USP45: variants seen among roughly 807,000 people sequenced by gnomAD.
USP45 encodes ubiquitin carboxyl-terminal hydrolase 45.
Under a neutral mutation model 95.8 loss-of-function variants are expected in USP45, and 89 were observed. The observed-to-expected ratio is 0.93, with a 90% confidence interval of 0.78 to 1.11. The LOEUF (loss-of-function observed/expected upper bound fraction) is 1.11. Ranked by LOEUF, USP45 falls within the 50% of genes least tolerant of loss-of-function variation. The pLI, the probability that USP45 is intolerant of heterozygous loss-of-function variation, is 0.00. For synonymous variants in USP45, 281 were observed against 316.2 expected (o/e 0.89, Z 1.18); for missense variants, 898 against 942.5 (o/e 0.95, Z 0.62).
chr6:99,509,647 C>CAAAAAAAAAAAAAAA (rs199667881), intron 2 of USP45, among the ~76,000 whole-genome samples: 3 of 60,666 alleles, frequency 4.9e-5, no homozygotes, highest in South Asian at 5.4e-4. Context: ...AGAAAGAGAC[C>CAAAAAAAAAAAAAAA]AAAAAAAAAA....
At chr6:99,514,407 C>T (rs1444847815) in intron 1 of USP45, among the ~76,000 whole-genome samples, 2 of 152,174 alleles carry the variant, frequency 1.3e-5, no homozygotes, top group African/African-American at 4.8e-5. Flanking sequence ...ACCCAAAAAT[C>T]TAAGTTCCCA....
chr6:99,443,114 G>A (rs189787968), intron 15 of USP45, among the ~76,000 whole-genome samples: 2 of 152,162 alleles, frequency 1.3e-5, no homozygotes, highest in East Asian at 3.9e-4. Flanking sequence ...CTATTTGGGA[G>A]GCTGAGGCAG....
At chr6:99,452,117 T>C (rs1016248685) in intron 13 of USP45, among the ~76,000 whole-genome samples, 13 of 152,160 alleles carry the variant, frequency 8.5e-5, no homozygotes, top group African/African-American at 3.1e-4. Context: ...GACATAGGCA[T>C]GGGCAAGGAC....
Position 99,508,580 on chromosome 6 carries a change from A to G in USP45, c.273+30T>C, listed in dbSNP as rs369415083. On this transcript the variant is annotated intron_variant, in intron 3 of 17. Coordinates refer to ENST00000500704, the MANE Select transcript of USP45 (RefSeq NM_001346022.3). ...AGCATTTAAGGAAAACATTTCAGAC[A>G]AACTCACATATAAATAATACTTTTC... 2,093 of 1,590,772 alleles carry G rather than the reference A, an allele frequency of 1.3e-3. 32 individuals are homozygous for G. In the South Asian group the frequency reaches 0.023, roughly 17 times the overall value.
At chr6:99,474,244 C>T (rs12524076) in intron 9 of USP45, among the ~76,000 whole-genome samples, 1 of 152,206 alleles carries the variant, frequency 6.6e-6, no homozygotes, top group South Asian at 2.1e-4. Context: ...GTTGCCCAGG[C>T]TGGAGTGCAG....
intron 5 of USP45, among the ~76,000 whole-genome samples, chr6:99,491,511 A>G (rs1294962092): frequency 3.3e-5 from 5 of 152,212 alleles, no homozygotes; most frequent in Non-Finnish European, 5.9e-5. Context: ...AAATCCAAGC[A>G]TTACTCAATT....
chr6:99,513,692 C>G (rs1447904901), intron 1 of USP45, among the ~76,000 whole-genome samples: 2 of 152,124 alleles, frequency 1.3e-5, no homozygotes, highest in Non-Finnish European at 2.9e-5. Context: ...TCAAAATTAA[C>G]TTGGTAATGT....
In USP45 at chr6:99,445,921, T is replaced by TG. The variant is rs779705586; in HGVS notation, c.1850_1851insC (p.Glu617AspfsTer21). 3.7e-6 allele frequency: 6 copies of TG among 1,614,102 alleles called. No homozygotes were observed. The South Asian group carries it at 4.4e-5, about 12-fold the overall frequency. On this transcript the variant is annotated frameshift_variant, in exon 14 of 18. Transcript: ENST00000500704. LOFTEE classifies it high-confidence loss of function. ...GGTAGAGACAGGACTGAATTGAACA[T>TG]TCTTTAGAAGTAGTTATATAGCTCT...
rs777012114 is a variant in USP45 at position 99,437,352 on chromosome 6, C to T, written c.2208G>A (p.Val736=). ...DKVLYGLYGI[V]EHSGSMREGH... ...CTTCTCTCATCGAGCCACTATGTTC[C>T]ACTATGCCATAGAGACCGTAGAGAA... Residue 736 remains valine, a synonymous_variant, in exon 17 of 18, where the codon GTG becomes GTA. Transcript: ENST00000500704. The T allele has an allele frequency of 6.2e-7, 1 of 1,613,746 alleles. No individual in the cohort carries two copies. The highest frequency in any genetic ancestry group is 8.5e-7 in the Non-Finnish European group (1 of 1,179,894).
intron 5 of USP45, among the ~76,000 whole-genome samples, chr6:99,496,857 A>G (rs561756548): frequency 3.9e-5 from 6 of 152,066 alleles, no homozygotes; most frequent in African/African-American, 9.6e-5. Flanking sequence ...CAACACATGC[A>G]TAGCCTCCAT....
At chr6:99,474,853 C>T (rs1008704142) in intron 9 of USP45, among the ~76,000 whole-genome samples, 5 of 152,176 alleles carry the variant, frequency 3.3e-5, no homozygotes, top group African/African-American at 1.2e-4. Context: ...CCTATGTGCA[C>T]AGGAAACCCC....
At chr6:99,514,946 G>A (rs1800817523) in intron 1 of USP45, 1 of 152,214 alleles carries the variant, frequency 6.6e-6, no homozygotes. Flanking sequence ...AAGCCAGTAA[G>A]CGGTGGATGG....
rs12203426 is a variant in USP45, at chr6:99,446,002, T to C, written c.1770A>G (p.Leu590=). The stretch of plus-strand genomic sequence containing the variant: ...TATAAGACCTCAAATGCTTCCCCTC[T>C]AAAAAACATAAATTATTTGAAATAT... The part of the protein sequence containing the change: ...PLNISNNLCF[L]EGKHLRSYSP... Residue 590 remains leucine, a synonymous_variant, in exon 14 of 18, where the codon TTA becomes TTG. Coordinates refer to ENST00000500704, the MANE Select transcript of USP45 (RefSeq NM_001346022.3). 301,366 of 1,613,768 alleles carry C rather than the reference T, an allele frequency of 0.19. 32,639 individuals are homozygous for C. The highest frequency in any genetic ancestry group is 0.22 in the Non-Finnish European group (254,148 of 1,179,898).
chr6:99,449,903 A>G (rs1783466508), intron 13 of USP45, among the ~76,000 whole-genome samples: 1 of 152,230 alleles, frequency 6.6e-6, no homozygotes, highest in African/African-American at 2.4e-5. Context: ...ACTACATGGA[A>G]ACTGAAAAAC....
chr6:99,476,185 A>G lies in USP45; in HGVS notation c.891T>C (p.Leu297=). 2 of 1,614,108 alleles carry G rather than the reference A, an allele frequency of 1.2e-6. No individual in the cohort carries two copies. Among genetic ancestry groups the G allele is most frequent in the Non-Finnish European group, 8.5e-7 (1 of 1,179,980 alleles). Residue 297 remains leucine (L), a synonymous_variant, in exon 9 of 18, where the codon CTT becomes CTC. Transcript: ENST00000500704. Reference sequence around the variant, plus strand: ...TCACTGCATCCAGAAGATAATGAAGAAGCTCCTGACTGTCCTGTTGCTGGA... The same window carrying G: ...TCACTGCATCCAGAAGATAATGAAGGAGCTCCTGACTGTCCTGTTGCTGGA... The part of the protein sequence containing the change: ...KDFQQQDSQE[L]LHYLLDAVRT...
At chr6:99,473,619 G>A (rs1790009540) in intron 9 of USP45, among the ~76,000 whole-genome samples, 1 of 151,892 alleles carries the variant, frequency 6.6e-6, no homozygotes, top group Non-Finnish European at 1.5e-5. Flanking sequence ...AGCTGGGAAT[G>A]GTGGCACACC....
chr6:99,469,487 T>TATA (rs1491589320), intron 9 of USP45, among the ~76,000 whole-genome samples: 29 of 3,880 alleles, frequency 7.5e-3, no homozygotes, highest in Middle Eastern at 0.045. Context: ...TATATATATA[T>TATA]TTTTTTTTTT....
rs73760074 is a variant in USP45 at position 99,486,966 on chromosome 6, G to A, written c.714+1234C>T. Reference sequence around the variant, plus strand: ...TGAACTAGGTGGGTTTATTACTTGTGGCAGTGAGGGAGATCACGCAGCATG... The same window carrying A: ...TGAACTAGGTGGGTTTATTACTTGTAGCAGTGAGGGAGATCACGCAGCATG... On this transcript the variant is annotated intron_variant, in intron 7 of 17. Coordinates refer to ENST00000500704, the MANE Select transcript of USP45 (RefSeq NM_001346022.3). Among the ~76,000 whole-genome samples, 1,260 of 152,208 alleles carry A rather than the reference G, an allele frequency of 8.3e-3. 16 individuals carry two copies. The highest frequency in any genetic ancestry group is 0.029 in the African/African-American group (1,220 of 41,502).
At chr6:99,502,282 C>T (rs565678170) in intron 5 of USP45, among the ~76,000 whole-genome samples, 1 of 152,278 alleles carries the variant, frequency 6.6e-6, no homozygotes, top group South Asian at 2.1e-4. Flanking sequence ...CCAGACTTTG[C>T]CCTATGCATC....
Sources: gnomAD v4.1 joint callset for allele counts (sites outside exome capture counted in the v4.1 genomes callset) on GRCh38, gnomAD v4.1.1 for gene constraint, MANE v1.5 for transcripts, NCBI Gene and HGNC (gene_info 2026-07-23, HGNC 2026-07-21) for gene names.